SOS1: variants seen among roughly 807,000 people sequenced by gnomAD.
The protein encoded by SOS1 is SOS Ras/Rac guanine nucleotide exchange factor 1, also known as son of sevenless homolog 1.
SOS1 carries 25 observed loss-of-function variants against 157.6 expected under a neutral mutation model. The ratio of observed to expected loss-of-function variants is 0.16; its 90% CI spans 0.12 to 0.22. The LOEUF is 0.22. Ranked by LOEUF, SOS1 falls within the 10% of genes least tolerant of loss-of-function variation. The probability of loss-of-function intolerance (pLI) is 1.00; values close to 1 mark genes in which losing one functional copy is unlikely to be tolerated. For missense variants in SOS1, 1,237 were observed against 1,599.1 expected, an observed-to-expected ratio of 0.77 and a Z score of 3.86; for synonymous variants, 528 against 534.0, an observed-to-expected ratio of 0.99 and a Z score of 0.16.
chr2:39,115,652 G>A, intron 1 of SOS1, among the ~76,000 whole-genome samples: 1 of 151,888 alleles, frequency 6.6e-6, no homozygotes, highest in East Asian at 1.9e-4. Context: ...TGCCTAGGCT[G>A]GCCTGGAACT....
At chr2:39,044,686 C>A (rs1421813165) in intron 6 of SOS1, among the ~76,000 whole-genome samples, 1 of 152,014 alleles carries the variant, frequency 6.6e-6, no homozygotes, top group African/African-American at 2.4e-5. Context: ...GGATGTGAAA[C>A]CCTTGCGTAC....
intron 21 of SOS1, among the ~76,000 whole-genome samples, chr2:38,987,926 T>C (rs1340189541): frequency 6.6e-6 from 1 of 152,194 alleles, no homozygotes; most frequent in Non-Finnish European, 1.5e-5. Context: ...CTGAAAATCT[T>C]TGGAATGGTA....
Position 38,981,802 on chromosome 2 carries a change from CA to C in SOS1, c.*4021del, listed in dbSNP as rs2124443997. On this transcript the variant is annotated 3_prime_UTR_variant, in exon 23 of 23. Coordinates refer to ENST00000402219, the MANE Select transcript of SOS1 (RefSeq NM_005633.4). ...TTTAGCAAATAACCGTGCTACTAAA[CA>C]AAGGCAAATACACATATATACACAA... 1 of 152,242 alleles carries C rather than the reference CA, an allele frequency of 6.6e-6. No individual in the cohort carries two copies. Among genetic ancestry groups the C allele is most frequent in the South Asian group, 2.1e-4 (1 of 4,822 alleles). 9.4% of individuals were successfully genotyped at this position (152,242 alleles called of 1,614,324 possible). A position where few individuals can be genotyped will look rare whatever the true frequency, so the allele number is the denominator to read the frequency against.
At chr2:39,100,424 T>C (rs750494664) in intron 1 of SOS1, among the ~76,000 whole-genome samples, 1 of 152,080 alleles carries the variant, frequency 6.6e-6, no homozygotes, top group African/African-American at 2.4e-5. Context: ...GACAGATGAA[T>C]GAAAAAAGAA....
intron 1 of SOS1, among the ~76,000 whole-genome samples, chr2:39,080,826 A>T (rs1375954570): frequency 2.0e-5 from 3 of 152,152 alleles, no homozygotes; most frequent in Non-Finnish European, 4.4e-5. Flanking sequence ...ATATTTTATA[A>T]GCAACAGAAA....
At chr2:39,053,678 T>C (rs538255443) in intron 5 of SOS1, among the ~76,000 whole-genome samples, 3 of 152,270 alleles carry the variant, frequency 2.0e-5, no homozygotes, top group Non-Finnish European at 4.4e-5. Context: ...GTTCCAGGAA[T>C]TACCAGTGTG....
chr2:39,086,010 A>G (rs1235440457), intron 1 of SOS1, among the ~76,000 whole-genome samples: 1 of 152,208 alleles, frequency 6.6e-6, no homozygotes, highest in African/African-American at 2.4e-5. Flanking sequence ...TTGTTCTTTC[A>G]ATTACCAGAG....
chr2:39,023,256 A>G (rs1002743043), intron 9 of SOS1, 31 bp from the exon 10 acceptor site: 3 of 1,553,994 alleles, frequency 1.9e-6, no homozygotes, highest in Non-Finnish European at 2.7e-6. Flanking sequence ...TTATTAGTAC[A>G]TAGATGACAG....
At chr2:39,087,288 T>C (rs1672415440) in intron 1 of SOS1, among the ~76,000 whole-genome samples, 1 of 152,240 alleles carries the variant, frequency 6.6e-6, no homozygotes, top group South Asian at 2.1e-4. Context: ...AATACTTTCC[T>C]AGACAAAATA....
At chr2:39,081,113 T>C (rs991173823) in intron 1 of SOS1, among the ~76,000 whole-genome samples, 1 of 152,092 alleles carries the variant, frequency 6.6e-6, no homozygotes, top group African/African-American at 2.4e-5. Context: ...CAGTGATCCA[T>C]GATTTTGCCA....
intron 17 of SOS1, among the ~76,000 whole-genome samples, chr2:38,998,836 C>T (rs181450513): frequency 1.2e-4 from 18 of 152,322 alleles, no homozygotes; most frequent in African/African-American, 3.4e-4. Context: ...TCACTCCCCA[C>T]ATGTGTACGG....
At chr2:39,023,279 T>G in intron 9 of SOS1, 54 bp from the exon 10 acceptor site, 1 of 1,354,794 alleles carries the variant, frequency 7.4e-7, no homozygotes, top group Non-Finnish European at 1.0e-6. Flanking sequence ...AACCTAGAGC[T>G]CATGTAAGTA....
chr2:39,044,768 A>C (rs1401795607), intron 6 of SOS1, among the ~76,000 whole-genome samples: 2 of 152,082 alleles, frequency 1.3e-5, no homozygotes, highest in African/African-American at 4.8e-5. Flanking sequence ...TGTGGCACTT[A>C]AGCGTGTGTG....
chr2:39,090,262 C>G (rs1275218530), intron 1 of SOS1, among the ~76,000 whole-genome samples: 1 of 152,096 alleles, frequency 6.6e-6, no homozygotes, highest in East Asian at 1.9e-4. Flanking sequence ...TTATCAAGCA[C>G]CTTTTAATAT....
intron 8 of SOS1, chr2:39,034,982 GAAAAAAC>G (rs1051461854): frequency 1.2e-4 from 70 of 581,546 alleles, no homozygotes; most frequent in Non-Finnish European, 5.6e-5. Flanking sequence ...ATAAAAAAAA[GAAAAAAC>G]AAAAAACAAA....
At chr2:39,104,641 T>G (rs1673097706) in intron 1 of SOS1, among the ~76,000 whole-genome samples, 1 of 152,192 alleles carries the variant, frequency 6.6e-6, no homozygotes, top group Admixed American at 6.5e-5. Context: ...AATAGGGACT[T>G]AAACCAATAA....
intron 1 of SOS1, among the ~76,000 whole-genome samples, chr2:39,102,246 G>A (rs113797770): frequency 0.039 from 4,738 of 122,306 alleles, 217 homozygotes; most frequent in African/African-American, 0.098. Flanking sequence ...ACTTTGTCCC[G>A]GTGTGGTAGC....
At position 38,995,140 on chromosome 2, in the gene SOS1, G is replaced by A. The variant is rs572955351; in HGVS notation, c.3329C>T (p.Ser1110Leu). Residue 1110 changes from serine to leucine, a missense_variant, in exon 20 of 23, where the codon TCG becomes TTG. Coordinates refer to ENST00000402219, the MANE Select transcript of SOS1 (RefSeq NM_005633.4). ...GCACCTACTTGAGTGAAAAGGGCTC[G>A]AATGATCGGAATCAAATACACTGCA... ...DVCSVFDSDH[S>L]SPFHSSNDTV... The A allele has an allele frequency of 1.2e-5, 19 of 1,613,900 alleles. No individual in the cohort carries two copies. The African/African-American group carries it at 1.6e-4, about 14-fold the overall frequency.
In SOS1 at chr2:39,039,168, T is replaced by C. The variant is rs529030088; in HGVS notation, c.865-3668A>G. On this transcript the variant is annotated intron_variant, in intron 6 of 22. Coordinates refer to ENST00000402219, the MANE Select transcript of SOS1 (RefSeq NM_005633.4). ...AGACATAATGCTACTGCATGCTTAC[T>C]AGACCACAGGATAGTGTAAACATAA... 2.6e-5 allele frequency among the ~76,000 whole-genome samples: 4 copies of C among 152,346 alleles called. No homozygotes were observed. The South Asian group carries it at 8.3e-4, about 32-fold the overall frequency.
Sources: gnomAD v4.1 joint callset for allele counts (sites outside exome capture counted in the v4.1 genomes callset) on GRCh38, gnomAD v4.1.1 for gene constraint, MANE v1.5 for transcripts, NCBI Gene and HGNC (gene_info 2026-07-23, HGNC 2026-07-21) for gene names.